Variants in LYST observed in about 807,000 individuals in gnomAD.
LYST encodes lysosomal-trafficking regulator.
LYST carries 192 observed loss-of-function variants against 413.6 expected under a neutral mutation model. The observed-to-expected ratio is 0.46, with a 90% CI of 0.41 to 0.52. LYST has a LOEUF of 0.52. Ranked by LOEUF, LYST falls within the 20% of genes least tolerant of loss-of-function variation. The probability of loss-of-function intolerance (pLI) is 0.00; values close to 1 mark genes in which losing one functional copy is unlikely to be tolerated. For missense variants in LYST, 3,815 were observed against 4,499.9 expected, an observed-to-expected ratio of 0.85 and a Z score of 4.35; for synonymous variants, 1,525 against 1,567.3, an observed-to-expected ratio of 0.97 and a Z score of 0.64.
At chr1:235,841,489 A>C (rs987383430) in intron 1 of LYST, among the ~76,000 whole-genome samples, 3 of 152,202 alleles carry the variant, frequency 2.0e-5, no homozygotes, top group African/African-American at 7.2e-5. Flanking sequence ...TCATGGTGAG[A>C]GTATTTCCAT....
chr1:235,843,464 A>G (rs1440169783), intron 1 of LYST, among the ~76,000 whole-genome samples: 1 of 152,032 alleles, frequency 6.6e-6, no homozygotes, highest in African/African-American at 2.4e-5. Context: ...TCCATAAACT[A>G]CCCCACAGAG....
At chr1:235,680,042 AC>A (rs1659690875) in intron 48 of LYST, among the ~76,000 whole-genome samples, 1 of 151,258 alleles carries the variant, frequency 6.6e-6, no homozygotes, top group Non-Finnish European at 1.5e-5. Context: ...CACAACTAAG[AC>A]TGAATAAAAA....
At chr1:235,789,309 T>G (rs1328549339) in intron 12 of LYST, among the ~76,000 whole-genome samples, 2 of 152,186 alleles carry the variant, frequency 1.3e-5, no homozygotes, top group Non-Finnish European at 2.9e-5. Flanking sequence ...AAAACTCTAG[T>G]GTTTGAATAT....
At chr1:235,822,777 C>T (rs1291780761) in intron 3 of LYST, among the ~76,000 whole-genome samples, 1 of 152,212 alleles carries the variant, frequency 6.6e-6, no homozygotes, top group Non-Finnish European at 1.5e-5. Flanking sequence ...TTGACCAATA[C>T]AATGTGATCA....
At chr1:235,763,015 C>A (rs758885633) in intron 21 of LYST, among the ~76,000 whole-genome samples, 164 bp from the exon 22 acceptor site, 31 of 152,288 alleles carry the variant, frequency 2.0e-4, no homozygotes, top group Non-Finnish European at 3.4e-4. Context: ...TGAATACTTA[C>A]TCTTCACAAT....
chr1:235,811,897 A>C (rs1455185078), intron 4 of LYST, among the ~76,000 whole-genome samples: 3 of 152,180 alleles, frequency 2.0e-5, no homozygotes, highest in African/African-American at 2.4e-5. Flanking sequence ...AAAAGCAGAG[A>C]GTTAGTGAAT....
chr1:235,803,718 A>G (rs1460001535), intron 7 of LYST, among the ~76,000 whole-genome samples: 1 of 152,198 alleles, frequency 6.6e-6, no homozygotes, highest in African/African-American at 2.4e-5. Flanking sequence ...GGTAGAATAA[A>G]GTAGGTATTT....
At chr1:235,705,508 T>G (rs1241317123) in intron 44 of LYST, among the ~76,000 whole-genome samples, 1 of 151,154 alleles carries the variant, frequency 6.6e-6, no homozygotes, top group East Asian at 2.0e-4. Flanking sequence ...GCCTCAGCCT[T>G]TTGAGTAGCT....
In LYST at chr1:235,753,046, CT is replaced by C. The variant is rs1457296842; in HGVS notation, c.7457del (p.Lys2486ArgfsTer5). ...NTVAALNGLE[K>X]NIPMSEYKLL... ...TTAAATAATAATTTTAAACTTACTT[CT>C]TTTCTAATCCATTCAGGGCTGCTAC... On this transcript the variant is annotated frameshift_variant, in exon 26 of 53. Coordinates refer to ENST00000389793, the MANE Select transcript of LYST (RefSeq NM_000081.4). LOFTEE classifies it high-confidence loss of function. 1 of 1,481,480 alleles carries C rather than the reference CT, an allele frequency of 6.8e-7. No homozygotes were observed. The allele number at this position is 1,481,480 out of a possible 1,614,324, so 91.8% of individuals were successfully genotyped here.
rs1425481671 is a variant in LYST, at chr1:235,862,119, G to A, written c.-98+4724C>T. ...TATCTGACCTTCCAAGCAATCAGGA[G>A]AGACAGAGTTAGTAGTCAAATCCCA... On this transcript the variant is annotated intron_variant, in intron 1 of 52. Coordinates refer to ENST00000389793, the MANE Select transcript of LYST (RefSeq NM_000081.4). Among the ~76,000 whole-genome samples the A allele has an allele frequency of 2.6e-5, 4 of 152,202 alleles. No individual in the cohort carries two copies. The East Asian group carries it at 7.7e-4, about 29-fold the overall frequency.
chr1:235,762,847 G>A lies in LYST; in HGVS notation c.6126C>T (p.Gly2042=). The A allele has an allele frequency of 6.2e-7, 1 of 1,612,986 alleles. No homozygotes were observed. The highest frequency in any genetic ancestry group is 1.1e-5 in the South Asian group (1 of 91,046). Residue 2042 remains glycine (G), a synonymous_variant, in exon 22 of 53, where the codon GGC becomes GGT. Coordinates refer to ENST00000389793, the MANE Select transcript of LYST (RefSeq NM_000081.4). Reference sequence around the variant, plus strand: ...ACCGCACTTTCTCCTGAAAGATCTTGCCATCTAGAATCCAAATTTTTTTTG... The same window carrying A: ...ACCGCACTTTCTCCTGAAAGATCTTACCATCTAGAATCCAAATTTTTTTTG... ...TNFYFSLHID[G]KIFQEKVRSI...
At chr1:235,805,409 C>T (rs547841690) in intron 6 of LYST, among the ~76,000 whole-genome samples, 68 of 152,028 alleles carry the variant, frequency 4.5e-4, no homozygotes, top group African/African-American at 1.6e-3. Flanking sequence ...GGTGCTGATG[C>T]GCAGATGGTG....
At chr1:235,829,107 GAC>G (rs1243612430) in intron 3 of LYST, 2 of 152,242 alleles carry the variant, frequency 1.3e-5, no homozygotes, top group Non-Finnish European at 2.9e-5. Flanking sequence ...AGGTGGCTGA[GAC>G]ACAAGAATCA....
intron 1 of LYST, among the ~76,000 whole-genome samples, chr1:235,851,206 T>C (rs918446517): frequency 6.6e-5 from 10 of 151,296 alleles, no homozygotes; most frequent in Non-Finnish European, 1.5e-4. Context: ...ATATATATGA[T>C]GAAATACAAT....
chr1:235,709,819 G>A (rs1468476271), intron 43 of LYST, among the ~76,000 whole-genome samples: 12 of 149,746 alleles, frequency 8.0e-5, no homozygotes, highest in Admixed American at 7.9e-4. Flanking sequence ...AGAATGAATT[G>A]CCATAGTCTA....
At chr1:235,738,869 C>T in intron 31 of LYST, 1 of 756,382 alleles carries the variant, frequency 1.3e-6, no homozygotes, top group Non-Finnish European at 2.5e-6. Flanking sequence ...GCATTCCTTG[C>T]ATCTTGGGAG....
chr1:235,676,946 G>A, intron 50 of LYST, 145 bp downstream of exon 50: 1 of 701,948 alleles, frequency 1.4e-6, no homozygotes, highest in African/African-American at 1.7e-5. Flanking sequence ...GGACCATATT[G>A]TATTTCTATA....
At position 235,665,454 on chromosome 1, in the gene LYST, A is replaced by G. The variant is rs935513034; in HGVS notation, c.11039-833T>C. Among the ~76,000 whole-genome samples the G allele has an allele frequency of 2.6e-5, 4 of 151,888 alleles. No homozygotes were observed. In the East Asian group the frequency reaches 7.8e-4, roughly 29 times the overall value. ...GTGAAACCCCATCTCTACTAAAAAT[A>G]CAAAAAAATTAGCCAGGGGTGGTGG... On this transcript the variant is annotated intron_variant, in intron 50 of 52. Coordinates refer to ENST00000389793, the MANE Select transcript of LYST (RefSeq NM_000081.4).
intron 15 of LYST, 150 bp from the exon 16 acceptor site, chr1:235,781,205 T>C (rs1186706300): frequency 1.6e-6 from 1 of 613,086 alleles, no homozygotes; most frequent in Admixed American, 2.9e-5. Context: ...AATTTCGAAA[T>C]TGGTGTAACG....
Sources: allele counts gnomAD v4.1 joint callset (sites outside exome capture counted in the v4.1 genomes callset), GRCh38; gene constraint gnomAD v4.1.1; transcripts MANE v1.5; gene names NCBI Gene and HGNC (gene_info 2026-07-23, HGNC 2026-07-21).